Variants in DYNLRB1 observed in about 807,000 individuals in gnomAD.
DYNLRB1 encodes dynein light chain roadblock-type 1, also known as ROBL/LC7-like 1.
Under a neutral mutation model 13.5 loss-of-function variants are expected in DYNLRB1, and 6 were observed. That is an observed-to-expected ratio of 0.44 (90% CI 0.24 to 0.88). DYNLRB1 has a LOEUF of 0.88. Ranked by LOEUF, DYNLRB1 falls within the 40% of genes least tolerant of loss-of-function variation. The pLI, the probability that DYNLRB1 is intolerant of heterozygous loss-of-function variation, is 0.21. For missense variants in DYNLRB1, 93 were observed against 127.2 expected, an observed-to-expected ratio of 0.73 and a Z score of 1.29; for synonymous variants, 43 against 45.0, an observed-to-expected ratio of 0.96 and a Z score of 0.18.
In DYNLRB1 at chr20:34,516,448, A is replaced by C. The variant is rs754153796; in HGVS notation, c.-11A>C. ...AGTGTTCGCTACGCGGGGCTACCGG[A>C]TCGGTCGGAAATGGTGAGCGTGCGC... is the stretch of plus-strand genomic sequence containing the variant. On this transcript the variant is annotated 5_prime_UTR_variant, in exon 1 of 4. Coordinates refer to ENST00000357156, the MANE Select transcript of DYNLRB1 (RefSeq NM_014183.4). 1.1e-5 allele frequency: 17 copies of C among 1,613,318 alleles called. No homozygotes were observed. The highest frequency in any genetic ancestry group is 4.4e-5 in the South Asian group (4 of 90,990).
intron 3 of DYNLRB1, chr20:34,536,100 G>C: frequency 1.0e-6 from 1 of 985,422 alleles, no homozygotes; most frequent in Non-Finnish European, 1.2e-6. Flanking sequence ...GGACAGAGCA[G>C]TTCAGTCACA....
In DYNLRB1 at chr20:34,529,745, A is replaced by AT. The variant is rs1980557812; in HGVS notation, c.79+3403dup. The AT allele has an allele frequency of 4.7e-6, 5 of 1,068,472 alleles. No homozygotes were observed. The South Asian group carries it at 1.6e-4, about 34-fold the overall frequency. The allele number at this position is 1,068,472 out of a possible 1,614,324, so 66.2% of individuals were successfully genotyped here. ...ACTCGGTCTCAAAAAAAAAAAAAAA[A>AT]TGTTGATTTCCAAGTCAGCAGAGCC... is the stretch of plus-strand genomic sequence containing the variant. On this transcript the variant is annotated intron_variant, in intron 2 of 3. Coordinates refer to ENST00000357156, the MANE Select transcript of DYNLRB1 (RefSeq NM_014183.4).
intron 1 of DYNLRB1, among the ~76,000 whole-genome samples, chr20:34,523,750 C>T (rs528811033): frequency 6.6e-5 from 10 of 152,180 alleles, no homozygotes; most frequent in Non-Finnish European, 1.2e-4. Flanking sequence ...TGTCCTTTCC[C>T]ACAAATGTCA....
intron 3 of DYNLRB1, chr20:34,536,312 G>A: frequency 2.0e-6 from 2 of 985,402 alleles, no homozygotes; most frequent in Non-Finnish European, 2.4e-6. Flanking sequence ...GGACTGTGCT[G>A]TGCTGATGTC....
intron 2 of DYNLRB1, among the ~76,000 whole-genome samples, chr20:34,531,566 G>A (rs867920983): frequency 3.3e-5 from 5 of 152,122 alleles, no homozygotes; most frequent in Non-Finnish European, 5.9e-5. Context: ...CACAGCTCCC[G>A]CTTATATGGA....
chr20:34,516,980 C>A (rs910010360), intron 1 of DYNLRB1: 1 of 1,287,036 alleles, frequency 7.8e-7, no homozygotes, highest in Non-Finnish European at 9.8e-7. Flanking sequence ...GATTTGAACC[C>A]TAGAAGCTTG....
chr20:34,535,597 T>G, intron 3 of DYNLRB1: 1 of 970,472 alleles, frequency 1.0e-6, no homozygotes, highest in Non-Finnish European at 1.2e-6. Context: ...AGGGCCGTCT[T>G]TGCATTATTA....
At chr20:34,537,985 CT>C (rs67763754) in intron 3 of DYNLRB1, among the ~76,000 whole-genome samples, 42,119 of 94,000 alleles carry the variant, frequency 0.45, 8,482 homozygotes, top group Admixed American at 0.59. Flanking sequence ...CGTGAACAGG[CT>C]TTTTTTTTTT....
At chr20:34,534,995 A>C in intron 3 of DYNLRB1, 200 bp downstream of exon 3, 1 of 1,426,576 alleles carries the variant, frequency 7.0e-7, no homozygotes, top group South Asian at 1.5e-5. Flanking sequence ...CCGGCCCCAG[A>C]GGGTAACCCC....
intron 1 of DYNLRB1, 130 bp downstream of exon 1, chr20:34,516,591 C>T: frequency 2.6e-6 from 4 of 1,526,796 alleles, no homozygotes; most frequent in South Asian, 1.2e-5. Context: ...TGGCCGGGCC[C>T]GGGCCCCAGC....
chr20:34,538,124 ATT>A (rs538105358), intron 3 of DYNLRB1, among the ~76,000 whole-genome samples: 2 of 80,064 alleles, frequency 2.5e-5, no homozygotes, highest in South Asian at 4.4e-4. Flanking sequence ...CACACCCAGC[ATT>A]TTTTTTTTTT....
At chr20:34,536,320 G>A in intron 3 of DYNLRB1, 2 of 985,384 alleles carry the variant, frequency 2.0e-6, no homozygotes, top group Non-Finnish European at 2.4e-6. Context: ...CTGTGCTGAT[G>A]TCCTGAGCCA....
At position 34,535,771 on chromosome 20, in the gene DYNLRB1, G is replaced by A. The variant is rs996123816; in HGVS notation, c.247+976G>A. 7.1e-6 allele frequency: 7 copies of A among 985,188 alleles called. No individual in the cohort carries two copies. The African/African-American group carries it at 1.2e-4, about 17-fold the overall frequency. 61.0% of individuals were successfully genotyped at this position (985,188 alleles called of 1,614,324 possible). On this transcript the variant is annotated intron_variant, in intron 3 of 3. Coordinates refer to ENST00000357156, the MANE Select transcript of DYNLRB1 (RefSeq NM_014183.4). ...GAGGCTTTGGTCCAGTTTAGAAGGGGCCACAAACACCTAACTCAGTTGCAT... is the reference window on the plus strand; with the variant it reads ...GAGGCTTTGGTCCAGTTTAGAAGGGACCACAAACACCTAACTCAGTTGCAT...
intron 3 of DYNLRB1, among the ~76,000 whole-genome samples, chr20:34,536,650 C>T (rs1306391123): frequency 6.6e-6 from 1 of 150,384 alleles, no homozygotes; most frequent in Non-Finnish European, 1.5e-5. Context: ...GACGCTGAGG[C>T]AGGAGAATCA....
In DYNLRB1 at chr20:34,540,928, T is replaced by G. The variant is rs1156811187; in HGVS notation, c.*304T>G. 5 of 361,444 alleles carry G rather than the reference T, an allele frequency of 1.4e-5. No homozygotes were observed. The highest frequency in any genetic ancestry group is 2.5e-5 in the Non-Finnish European group (5 of 202,612). The allele number at this position is 361,444 out of a possible 1,614,324, so 22.4% of individuals were successfully genotyped here. A position where few individuals can be genotyped will look rare whatever the true frequency, so the allele number is the denominator to read the frequency against. The stretch of plus-strand genomic sequence containing the variant: ...TTTGTCGCCCTTGGAGAAAGCTGTT[T>G]TTCTTTAACTAAAAATAACCAAAAT... On this transcript the variant is annotated 3_prime_UTR_variant, in exon 4 of 4. Coordinates refer to ENST00000357156, the MANE Select transcript of DYNLRB1 (RefSeq NM_014183.4).
intron 1 of DYNLRB1, 179 bp downstream of exon 1, chr20:34,516,640 G>C: frequency 6.7e-7 from 1 of 1,489,606 alleles, no homozygotes; most frequent in Non-Finnish European, 8.9e-7. Flanking sequence ...GGCCTCTAAA[G>C]CCTGACCGAG....
At chr20:34,516,555 G>A (rs1979201845) in intron 1 of DYNLRB1, 94 bp downstream of exon 1, 2 of 1,579,226 alleles carry the variant, frequency 1.3e-6, no homozygotes. Context: ...CAGAGCTCCG[G>A]ACAGGGAATC....
chr20:34,535,042 G>A (rs911972281), intron 3 of DYNLRB1: 11 of 1,335,552 alleles, frequency 8.2e-6, no homozygotes, highest in African/African-American at 1.5e-5. Context: ...AGCATCATGT[G>A]TGTCTCCCCT....
intron 1 of DYNLRB1, among the ~76,000 whole-genome samples, chr20:34,522,764 G>C (rs867397350): frequency 4.3e-4 from 65 of 152,080 alleles, no homozygotes; most frequent in African/African-American, 1.5e-3. Context: ...ATGAGCCACT[G>C]TGCCCAGCCC....
Sources: gnomAD v4.1 joint callset for allele counts (sites outside exome capture counted in the v4.1 genomes callset) on GRCh38, gnomAD v4.1.1 for gene constraint, MANE v1.5 for transcripts, NCBI Gene and HGNC (gene_info 2026-07-23, HGNC 2026-07-21) for gene names.